NBDY: variants seen among roughly 807,000 people sequenced by gnomAD.
NBDY encodes negative regulator of P-body association.
chrX:56,764,873 C>T (rs976908811), intron 2 of NBDY, among the ~76,000 whole-genome samples: 3 of 111,354 alleles, frequency 2.7e-5, no homozygotes, highest in South Asian at 3.8e-4. Flanking sequence ...TGTGCCCACG[C>T]GGTGCAGACC....
chrX:56,752,726 C>T (rs1211743913), intron 2 of NBDY, among the ~76,000 whole-genome samples: 1 of 111,465 alleles, frequency 9.0e-6, no homozygotes, highest in Non-Finnish European at 1.9e-5. Context: ...TCTCCTGCCT[C>T]AGCCTCCGAG....
chrX:56,753,842 T>A (rs1223104273), intron 2 of NBDY, among the ~76,000 whole-genome samples: 1 of 111,139 alleles, frequency 9.0e-6, no homozygotes, highest in Non-Finnish European at 1.9e-5. Context: ...TATTAGTGAC[T>A]TTGGTAAGAG....
Position 56,749,601 on chromosome X carries a change from T to C in NBDY, c.*166+17402T>C, listed in dbSNP as rs1008078905. Reference sequence around the variant, plus strand: ...CACCTTTACAGGCATTCTCTGTATATTTTTTGCATACTTCATTGTCTTCTA... The same window carrying C: ...CACCTTTACAGGCATTCTCTGTATACTTTTTGCATACTTCATTGTCTTCTA... On this transcript the variant is annotated intron_variant, in intron 2 of 2. Coordinates refer to ENST00000374922, the MANE Select transcript of NBDY (RefSeq NM_001348129.2). Among the ~76,000 whole-genome samples the C allele has an allele frequency of 4.5e-5, 5 of 111,122 alleles. No homozygotes were observed. The South Asian group carries it at 1.5e-3, about 34-fold the overall frequency.
chrX:56,734,792 C>A (rs1310033750), intron 2 of NBDY, among the ~76,000 whole-genome samples: 1 of 112,084 alleles, frequency 8.9e-6, no homozygotes, highest in Non-Finnish European at 1.9e-5. Flanking sequence ...TGATGATATT[C>A]AGTGTTTTCC....
chrX:56,811,352 C>G (rs1055510374), intron 2 of NBDY, among the ~76,000 whole-genome samples: 1 of 111,860 alleles, frequency 8.9e-6, no homozygotes, highest in African/African-American at 3.3e-5. Context: ...AGCTGCACCC[C>G]CAACTGTTCC....
At chrX:56,762,600 A>G (rs1453504383) in intron 2 of NBDY, among the ~76,000 whole-genome samples, 1 of 110,891 alleles carries the variant, frequency 9.0e-6, no homozygotes, top group African/African-American at 3.3e-5. Flanking sequence ...CTCACGATTC[A>G]TCCTTCTACC....
chrX:56,786,672 C>T (rs749197382), intron 2 of NBDY, among the ~76,000 whole-genome samples: 1 of 109,752 alleles, frequency 9.1e-6, no homozygotes, highest in East Asian at 2.9e-4. Context: ...TCTTGTGCCT[C>T]TGCCTCCTCC....
At chrX:56,811,235 G>T (rs2069884740) in intron 2 of NBDY, 1 of 111,843 alleles carries the variant, frequency 8.9e-6, no homozygotes, top group African/African-American at 3.3e-5. Flanking sequence ...TGAGTGTCAG[G>T]GATTCACTTG....
intron 2 of NBDY, among the ~76,000 whole-genome samples, chrX:56,811,925 T>C (rs1416481610): frequency 2.7e-5 from 3 of 112,003 alleles, no homozygotes; most frequent in African/African-American, 3.3e-5. Flanking sequence ...CTGCGGGTTG[T>C]GAAGACCATG....
intron 2 of NBDY, among the ~76,000 whole-genome samples, chrX:56,758,269 T>C (rs1249076872): frequency 1.9e-5 from 2 of 106,110 alleles, no homozygotes; most frequent in East Asian, 3.0e-4. Flanking sequence ...GGAGCCGAGA[T>C]TGTGCCACTG....
intron 2 of NBDY, among the ~76,000 whole-genome samples, chrX:56,812,946 G>A (rs73626226): frequency 0.037 from 4,099 of 110,925 alleles, 173 homozygotes; most frequent in African/African-American, 0.13. Flanking sequence ...CATTTTTAAA[G>A]AAGCAGAGAT....
At chrX:56,799,868 A>G (rs2069813408) in intron 2 of NBDY, among the ~76,000 whole-genome samples, 1 of 112,276 alleles carries the variant, frequency 8.9e-6, no homozygotes, top group African/African-American at 3.2e-5. Flanking sequence ...AGTAGGAGTG[A>G]TGTCTGCCTC....
At chrX:56,786,546 C>T (rs984036265) in intron 2 of NBDY, among the ~76,000 whole-genome samples, 2 of 110,191 alleles carry the variant, frequency 1.8e-5, no homozygotes, top group African/African-American at 6.6e-5. Flanking sequence ...CCTTCTCTTC[C>T]AACATCCTCT....
At chrX:56,795,612 A>T (rs1363725583) in intron 2 of NBDY, among the ~76,000 whole-genome samples, 1 of 112,031 alleles carries the variant, frequency 8.9e-6, no homozygotes, top group Non-Finnish European at 1.9e-5. Flanking sequence ...ATGGGTAATG[A>T]TTCCCACAAT....
Position 56,780,913 on chromosome X carries a change from G to A in NBDY, c.*167-36407G>A, listed in dbSNP as rs780625634. Among the ~76,000 whole-genome samples the A allele has an allele frequency of 9.7e-5, 10 of 103,432 alleles. 1 individual carries two copies. In the South Asian group the frequency reaches 4.8e-3, roughly 50 times the overall value. 89.8% of individuals were successfully genotyped at this position (103,432 alleles called of 115,157 possible). On this transcript the variant is annotated intron_variant, in intron 2 of 2. Coordinates refer to ENST00000374922, the MANE Select transcript of NBDY (RefSeq NM_001348129.2). ...GATCTGGACTGCGTCTTTAGGGTTG[G>A]CACTGGGACTGTGAGTGTCAGAGGT...
chrX:56,764,702 C>CAAAAAAAAAAAAAAAAAAAA (rs10623590), intron 2 of NBDY, among the ~76,000 whole-genome samples: 3 of 60,800 alleles, frequency 4.9e-5, no homozygotes, highest in Non-Finnish European at 6.1e-5. Flanking sequence ...AAACAAACAC[C>CAAAAAAAAAAAAAAAAAAAA]AAAAAAAAAA....
chrX:56,795,338 C>T (rs752454568), intron 2 of NBDY, among the ~76,000 whole-genome samples: 2 of 112,001 alleles, frequency 1.8e-5, no homozygotes, highest in Admixed American at 1.9e-4. Context: ...ACAAATTATG[C>T]CGGCCCTTTA....
At position 56,794,066 on chromosome X, in the gene NBDY, C is replaced by T. The variant is rs926622291; in HGVS notation, c.*167-23254C>T. ...AAAATGGCTGCTGGGGCAGCTCCAC[C>T]CTGTGGGTTGACTGGTCTGCAGGCT... On this transcript the variant is annotated intron_variant, in intron 2 of 2. Coordinates refer to ENST00000374922, the MANE Select transcript of NBDY (RefSeq NM_001348129.2). 2.7e-5 allele frequency among the ~76,000 whole-genome samples: 3 copies of T among 112,329 alleles called. No individual in the cohort carries two copies. The South Asian group carries it at 1.1e-3, about 41-fold the overall frequency.
intron 2 of NBDY, among the ~76,000 whole-genome samples, chrX:56,743,789 G>A (rs181103596): frequency 1.2e-3 from 129 of 109,136 alleles, no homozygotes; most frequent in African/African-American, 4.1e-3. Context: ...CATTTATTTC[G>A]GCTCTGGTGT....
Sources: gnomAD v4.1 joint callset for allele counts (sites outside exome capture counted in the v4.1 genomes callset) on GRCh38, gnomAD v4.1.1 for gene constraint, MANE v1.5 for transcripts, NCBI Gene and HGNC (gene_info 2026-07-23, HGNC 2026-07-21) for gene names.